NRXN3: variants seen among roughly 807,000 people sequenced by gnomAD.
The protein encoded by NRXN3 is neurexin III.
Under a neutral mutation model 137.6 loss-of-function variants are expected in NRXN3, and 32 were observed. The observed-to-expected ratio is 0.23, with a 90% CI of 0.18 to 0.31. The LOEUF (loss-of-function observed/expected upper bound fraction) is 0.31. NRXN3 is among the 10% of genes least tolerant of loss of function. NRXN3 has a pLI of 1.00. For synonymous variants in NRXN3, 798 were observed against 784.5 expected (o/e 1.02, Z -0.29); for missense variants, 1,574 against 2,062.5 (o/e 0.76, Z 4.59).
In NRXN3 at chr14:78,499,270, C is replaced by CA. The variant is rs563050391; in HGVS notation, c.758-145847dup. On this transcript the variant is annotated intron_variant, in intron 4 of 20. Coordinates refer to ENST00000335750, the MANE Select transcript of NRXN3 (RefSeq NM_001330195.2). Reference sequence around the variant, plus strand: ...AGGCCTGGCACAGATAAGCACTGAGCAAATGTTAGTTTTCTTTCACATGGG... The same window carrying CA: ...AGGCCTGGCACAGATAAGCACTGAGCAAAATGTTAGTTTTCTTTCACATGGG... Among the ~76,000 whole-genome samples, 396 of 152,076 alleles carry CA rather than the reference C, an allele frequency of 2.6e-3. 1 individual carries two copies. Among genetic ancestry groups the CA allele is most frequent in the African/African-American group, 9.0e-3 (374 of 41,496 alleles).
chr14:79,570,606 T>C (rs1433586135), intron 16 of NRXN3: 2 of 152,208 alleles, frequency 1.3e-5, no homozygotes, highest in East Asian at 3.9e-4. Flanking sequence ...CCTGAATCCT[T>C]GTGATATGGA....
At chr14:79,164,514 T>C (rs531546229) in intron 15 of NRXN3, among the ~76,000 whole-genome samples, 1 of 152,148 alleles carries the variant, frequency 6.6e-6, no homozygotes, top group Non-Finnish European at 1.5e-5. Flanking sequence ...AGAATTATCA[T>C]AATTTCCATG....
chr14:79,238,956 T>G (rs1181030947), intron 15 of NRXN3, among the ~76,000 whole-genome samples: 1 of 152,106 alleles, frequency 6.6e-6, no homozygotes, highest in East Asian at 1.9e-4. Context: ...CCAGGCCCTA[T>G]TGGATGCCAA....
In NRXN3 at chr14:78,405,372, C is replaced by T. The variant is rs557338513; in HGVS notation, c.757+107512C>T. 5.9e-5 allele frequency among the ~76,000 whole-genome samples: 9 copies of T among 152,316 alleles called. No homozygotes were observed. The East Asian group carries it at 1.7e-3, about 29-fold the overall frequency. ...CATAGGCTGGGCTGCTCTGTCATAG[C>T]TTCACAGTGCTTTGCTTACTTTTTC... On this transcript the variant is annotated intron_variant, in intron 4 of 20. Transcript: ENST00000335750.
intron 4 of NRXN3, among the ~76,000 whole-genome samples, chr14:78,606,028 G>A (rs1052896315): frequency 5.9e-5 from 9 of 152,102 alleles, no homozygotes; most frequent in Non-Finnish European, 1.0e-4. Context: ...AGCAGCACAA[G>A]AATTTGAGGA....
At chr14:78,364,199 A>G (rs1292451029) in intron 4 of NRXN3, among the ~76,000 whole-genome samples, 2 of 152,190 alleles carry the variant, frequency 1.3e-5, no homozygotes, top group South Asian at 2.1e-4. Flanking sequence ...ATAACTTGTA[A>G]TGTTACTCGG....
chr14:78,840,827 G>A (rs1365003678), intron 10 of NRXN3, among the ~76,000 whole-genome samples: 1 of 152,156 alleles, frequency 6.6e-6, no homozygotes, highest in Non-Finnish European at 1.5e-5. Flanking sequence ...ATCAAATTTA[G>A]TAATTATTCT....
At chr14:78,387,348 G>A (rs899762357) in intron 4 of NRXN3, among the ~76,000 whole-genome samples, 17 of 152,266 alleles carry the variant, frequency 1.1e-4, no homozygotes, top group African/African-American at 3.9e-4. Context: ...TAGGGCAGAA[G>A]ATGGTCTTGA....
At chr14:79,778,952 T>C (rs1200903509) in intron 19 of NRXN3, among the ~76,000 whole-genome samples, 2 of 152,194 alleles carry the variant, frequency 1.3e-5, no homozygotes, top group Non-Finnish European at 2.9e-5. Context: ...TCATTACCTT[T>C]GGGTAACCAA....
chr14:79,125,796 C>T (rs8009738), intron 15 of NRXN3, among the ~76,000 whole-genome samples: 49,100 of 151,750 alleles, frequency 0.32, 8,554 homozygotes, highest in Admixed American at 0.47. Context: ...TTTTTTTGCT[C>T]GTCTTTTTCA....
chr14:79,771,435 G>C (rs1239300125), intron 19 of NRXN3, among the ~76,000 whole-genome samples: 12 of 152,056 alleles, frequency 7.9e-5, no homozygotes, highest in Non-Finnish European at 1.5e-5. Flanking sequence ...CCATGATCAA[G>C]TGGGCTTCAT....
chr14:78,884,521 G>A (rs1350200448), intron 10 of NRXN3, among the ~76,000 whole-genome samples: 1 of 151,894 alleles, frequency 6.6e-6, no homozygotes, highest in Non-Finnish European at 1.5e-5. Flanking sequence ...TATATATTTT[G>A]TTTAGGTTTC....
At chr14:79,710,202 T>C (rs1351534329) in intron 19 of NRXN3, among the ~76,000 whole-genome samples, 1 of 152,182 alleles carries the variant, frequency 6.6e-6, no homozygotes, top group African/African-American at 2.4e-5. Flanking sequence ...ATTGAGTCTC[T>C]GTCTGCTAGA....
chr14:79,409,908 A>G (rs892320129), intron 15 of NRXN3, among the ~76,000 whole-genome samples: 5 of 151,628 alleles, frequency 3.3e-5, no homozygotes, highest in Non-Finnish European at 1.5e-5. Flanking sequence ...TTACTTTTTT[A>G]TTAATTACAA....
chr14:78,815,307 G>A (rs938539204), intron 10 of NRXN3, among the ~76,000 whole-genome samples: 3 of 152,054 alleles, frequency 2.0e-5, no homozygotes, highest in African/African-American at 4.8e-5. Flanking sequence ...TGATGATCTT[G>A]TGTATTCCCT....
intron 10 of NRXN3, among the ~76,000 whole-genome samples, chr14:78,891,376 A>T (rs2099158376): frequency 6.6e-6 from 1 of 152,006 alleles, no homozygotes; most frequent in African/African-American, 2.4e-5. Context: ...GAACTCTGGC[A>T]TGATGACTAT....
At chr14:79,505,001 G>A (rs2096863338) in intron 16 of NRXN3, among the ~76,000 whole-genome samples, 1 of 152,086 alleles carries the variant, frequency 6.6e-6, no homozygotes, top group South Asian at 2.1e-4. Context: ...GATCACCTGA[G>A]GTCAGGAGTT....
At chr14:79,355,640 T>C (rs1187326719) in intron 15 of NRXN3, among the ~76,000 whole-genome samples, 5 of 152,228 alleles carry the variant, frequency 3.3e-5, no homozygotes, top group Non-Finnish European at 2.9e-5. Context: ...ATTGAAAGTT[T>C]CTTTTTAACC....
intron 8 of NRXN3, among the ~76,000 whole-genome samples, chr14:78,726,413 C>A (rs1044788428): frequency 1.3e-5 from 2 of 151,840 alleles, no homozygotes; most frequent in African/African-American, 2.4e-5. Context: ...TTTTTCAACT[C>A]CCACTTATGA....
Sources: gnomAD v4.1 joint callset for allele counts (sites outside exome capture counted in the v4.1 genomes callset) on GRCh38, gnomAD v4.1.1 for gene constraint, MANE v1.5 for transcripts, NCBI Gene and HGNC (gene_info 2026-07-23, HGNC 2026-07-21) for gene names.